The following ZNF568 variants were observed in gnomAD, a reference collection of about 807,000 sequenced individuals.
ZNF568 encodes zinc finger protein 568, also known as p53 inhibitor of SCO2 activation.
ZNF568 carries 11 observed loss-of-function variants against 18.1 expected under a neutral mutation model. That is an observed-to-expected ratio of 0.61 (90% CI 0.38 to 1.00). ZNF568 has a LOEUF of 1.00. Among genes scored for constraint, ZNF568 ranks in the 50% least tolerant of loss-of-function variants. The pLI is 0.01. For synonymous variants in ZNF568, 213 were observed against 246.6 expected (o/e 0.86, Z 1.28); for missense variants, 639 against 768.2 (o/e 0.83, Z 1.99).
intron 6 of ZNF568, among the ~76,000 whole-genome samples, chr19:36,966,176 C>T (rs1453725093): frequency 2.0e-5 from 3 of 152,108 alleles, no homozygotes; most frequent in Non-Finnish European, 4.4e-5. Flanking sequence ...ATCCCAACTA[C>T]TCGGGTGGCT....
intron 6 of ZNF568, among the ~76,000 whole-genome samples, chr19:36,945,451 T>C (rs1246096695): frequency 6.6e-6 from 1 of 152,182 alleles, no homozygotes; most frequent in Non-Finnish European, 1.5e-5. Flanking sequence ...ATAGTAAATG[T>C]ATTTTCCTTA....
At position 36,936,752 on chromosome 19, in the gene ZNF568, G is replaced by A. The variant is rs2073796643; in HGVS notation, c.142G>A (p.Val48Met). 6.2e-7 allele frequency: 1 copy of A among 1,611,622 alleles called. No individual in the cohort carries two copies. ...TAGCATTATGTTTTTACAGGAAACA[G>A]TGACATTTAAGGATGTGGCTGTTGA... is the stretch of plus-strand genomic sequence containing the variant. ...EEDTTRPLETVTFKDVAVDLT... is the reference protein window; with the variant it reads ...EEDTTRPLETMTFKDVAVDLT... Residue 48 changes from valine (V) to methionine (M), a missense_variant, in exon 5 of 7, where the codon GTG becomes ATG. Coordinates refer to ENST00000333987, the MANE Select transcript of ZNF568 (RefSeq NM_198539.4).
intron 6 of ZNF568, among the ~76,000 whole-genome samples, chr19:36,948,561 A>G (rs941844544): frequency 2.0e-5 from 3 of 151,154 alleles, no homozygotes; most frequent in Non-Finnish European, 2.9e-5. Context: ...TGGCTGTACC[A>G]TTTTGCAGTC....
chr19:36,994,167 G>T (rs1418891966), intron 4 of ZNF568, among the ~76,000 whole-genome samples: 1 of 151,516 alleles, frequency 6.6e-6, no homozygotes, highest in African/African-American at 2.4e-5. Context: ...TCTTTAACAC[G>T]TTGGTTATTT....
chr19:36,997,499 G>A (rs77487210), downstream of ZNF568: 16 of 1,587,080 alleles, frequency 1.0e-5, no homozygotes, highest in Admixed American at 2.5e-4. Flanking sequence ...TTCATTCGAA[G>A]GTCAGAACTC....
At chr19:36,929,395 G>T (rs1354381002) in intron 4 of ZNF568, among the ~76,000 whole-genome samples, 1 of 151,888 alleles carries the variant, frequency 6.6e-6, no homozygotes, top group Non-Finnish European at 1.5e-5. Context: ...TAAAAAATTA[G>T]CTGGGTGTGG....
chr19:36,991,787 T>C (rs922154300), exon 4 of ZNF568: 1 of 1,581,270 alleles, frequency 6.3e-7, no homozygotes, highest in African/African-American at 1.3e-5. Context: ...ATCTCCTTAT[T>C]GGAGCAGAAG....
At chr19:36,964,978 C>CTGGTCTT (rs67481028) in intron 6 of ZNF568, among the ~76,000 whole-genome samples, 30,919 of 152,008 alleles carry the variant, frequency 0.2, 3,281 homozygotes, top group African/African-American at 0.28. Context: ...AGTTGGGACA[C>CTGGTCTT]TAGTCTTTGG....
intron 6 of ZNF568, among the ~76,000 whole-genome samples, chr19:36,971,658 C>G (rs545202733): frequency 7.2e-5 from 11 of 152,066 alleles, no homozygotes; most frequent in Non-Finnish European, 1.2e-4. Flanking sequence ...CTGGAATGCA[C>G]CTCCTTAGTA....
chr19:36,994,504 G>A (rs1192415182), intron 4 of ZNF568, among the ~76,000 whole-genome samples: 2 of 152,102 alleles, frequency 1.3e-5, no homozygotes, highest in Non-Finnish European at 2.9e-5. Flanking sequence ...TGAAAGTAAA[G>A]TATTGAAGTC....
At chr19:36,977,972 G>A (rs1338544833) in intron 7 of ZNF568, among the ~76,000 whole-genome samples, 1 of 152,206 alleles carries the variant, frequency 6.6e-6, no homozygotes, top group East Asian at 1.9e-4. Flanking sequence ...ATCCAGTGAA[G>A]TGCCCAATTT....
At chr19:36,976,904 C>G (rs1326543550) in intron 7 of ZNF568, among the ~76,000 whole-genome samples, 6 of 151,906 alleles carry the variant, frequency 3.9e-5, no homozygotes, top group African/African-American at 1.5e-4. Flanking sequence ...GAGCAAAACT[C>G]CGTCTAAGAA....
At chr19:36,996,512 A>G in exon 5 of ZNF568, 1 of 1,536,278 alleles carries the variant, frequency 6.5e-7, no homozygotes, top group Admixed American at 2.0e-5. Flanking sequence ...GCCCATAGAG[A>G]ATATCAGTGG....
At position 36,949,891 on chromosome 19, in the gene ZNF568, A is replaced by G; in HGVS notation, c.738A>G (p.Gly246=). 1 of 1,613,944 alleles carries G rather than the reference A, an allele frequency of 6.2e-7. No individual in the cohort carries two copies. The highest frequency in any genetic ancestry group is 1.1e-5 in the South Asian group (1 of 91,058). Residue 246 remains glycine, a synonymous_variant, in exon 7 of 7, where the codon GGA becomes GGG. Coordinates refer to ENST00000333987, the MANE Select transcript of ZNF568 (RefSeq NM_198539.4). ...DLIRHERIHA[G]EKPYECKECG... is the part of the protein sequence containing the mutation. Reference sequence around the variant, plus strand: ...TTAGACATGAGCGAATTCATGCTGGAGAGAAACCTTACGAATGTAAAGAAT... The same window carrying G: ...TTAGACATGAGCGAATTCATGCTGGGGAGAAACCTTACGAATGTAAAGAAT...
chr19:36,956,790 G>A (rs2146319315), downstream of ZNF568, among the ~76,000 whole-genome samples: 1 of 151,998 alleles, frequency 6.6e-6, no homozygotes, highest in East Asian at 1.9e-4. Context: ...TAGAGATGGG[G>A]TTTCACTATG....
At chr19:36,942,868 T>C (rs1010077021) in intron 6 of ZNF568, among the ~76,000 whole-genome samples, 3 of 152,198 alleles carry the variant, frequency 2.0e-5, no homozygotes, top group Non-Finnish European at 4.4e-5. Context: ...TATCATCTTC[T>C]ACTTAGTCTC....
intron 6 of ZNF568, among the ~76,000 whole-genome samples, chr19:36,958,354 T>C (rs541575789): frequency 6.6e-6 from 1 of 152,198 alleles, no homozygotes; most frequent in East Asian, 1.9e-4. Flanking sequence ...AACTTTCTTA[T>C]ATGTTTGGGA....
At chr19:36,940,221 T>C (rs1178138158) in intron 6 of ZNF568, among the ~76,000 whole-genome samples, 1 of 152,230 alleles carries the variant, frequency 6.6e-6, no homozygotes, top group Non-Finnish European at 1.5e-5. Flanking sequence ...TATGTATCTT[T>C]AATGCCTCCA....
At chr19:36,969,833 C>T (rs564377702) in intron 6 of ZNF568, among the ~76,000 whole-genome samples, 5 of 115,360 alleles carry the variant, frequency 4.3e-5, no homozygotes, top group East Asian at 2.1e-4. Flanking sequence ...CTCACTCTGC[C>T]GCCCAGGCTG....
Sources: allele counts gnomAD v4.1 joint callset (sites outside exome capture counted in the v4.1 genomes callset), GRCh38; gene constraint gnomAD v4.1.1; transcripts MANE v1.5; gene names NCBI Gene and HGNC (gene_info 2026-07-23, HGNC 2026-07-21).